The following PPP2R3A variants were observed in gnomAD, a reference collection of about 807,000 sequenced individuals.
PPP2R3A encodes the protein serine/threonine-protein phosphatase 2A regulatory subunit B'' subunit alpha.
In PPP2R3A, 80 loss-of-function variants were observed where a neutral mutation model predicts 106.9. That is an observed-to-expected ratio of 0.75 (90% CI 0.62 to 0.90). The LOEUF is 0.90. PPP2R3A is among the 40% of genes least tolerant of loss of function. The probability of loss-of-function intolerance (pLI) is 0.00; values close to 1 mark genes in which losing one functional copy is unlikely to be tolerated. For missense variants in PPP2R3A, 1,386 were observed against 1,350.4 expected, an observed-to-expected ratio of 1.03 and a Z score of -0.41; for synonymous variants, 483 against 468.3, an observed-to-expected ratio of 1.03 and a Z score of -0.41.
chr3:136,115,680 CAAG>C (rs1937721224), intron 13 of PPP2R3A, among the ~76,000 whole-genome samples: 1 of 150,366 alleles, frequency 6.7e-6, no homozygotes, highest in Non-Finnish European at 1.5e-5. Flanking sequence ...TGAAATAAAA[CAAG>C]AAGATTAGAG....
chr3:136,019,153 G>T (rs1934377084), intron 2 of PPP2R3A, among the ~76,000 whole-genome samples: 1 of 152,216 alleles, frequency 6.6e-6, no homozygotes, highest in Non-Finnish European at 1.5e-5. Context: ...AGAGATGCAG[G>T]CAGCTGTGCA....
intron 4 of PPP2R3A, among the ~76,000 whole-genome samples, chr3:136,042,522 T>G (rs1157594072): frequency 6.6e-6 from 1 of 152,044 alleles, no homozygotes; most frequent in Non-Finnish European, 1.5e-5. Flanking sequence ...TTAAAAAGAG[T>G]GTATGTTGGT....
At chr3:136,107,170 G>GTAAC (rs1937532409) in intron 13 of PPP2R3A, among the ~76,000 whole-genome samples, 2 of 151,952 alleles carry the variant, frequency 1.3e-5, no homozygotes, top group African/African-American at 4.8e-5. Context: ...TCATCTTCTA[G>GTAAC]TAACTCCTTT....
At chr3:135,984,294 T>C (rs1197243720) in intron 1 of PPP2R3A, among the ~76,000 whole-genome samples, 1 of 152,216 alleles carries the variant, frequency 6.6e-6, no homozygotes, top group Non-Finnish European at 1.5e-5. Context: ...TACAGAAACC[T>C]GGACTCAAAT....
At chr3:135,986,128 G>A (rs923053028) in intron 1 of PPP2R3A, among the ~76,000 whole-genome samples, 1 of 152,070 alleles carries the variant, frequency 6.6e-6, no homozygotes, top group African/African-American at 2.4e-5. Flanking sequence ...AGGGATACAG[G>A]GAAAGCAGCG....
chr3:136,034,472 T>G lies in PPP2R3A; in HGVS notation c.2263-6387T>G, dbSNP rs544187110. Among the ~76,000 whole-genome samples the G allele has an allele frequency of 1.3e-4, 20 of 152,364 alleles. No individual in the cohort carries two copies. In the South Asian group the frequency reaches 3.3e-3, roughly 25 times the overall value. On this transcript the variant is annotated intron_variant, in intron 3 of 13. Coordinates refer to ENST00000264977, the MANE Select transcript of PPP2R3A (RefSeq NM_002718.5). ...TGTTTTAATTTCCATCTTGATTTCA[T>G]TTTTGACCCAGTGATCATTCAGGAG...
chr3:135,991,362 TAGAAAA>T lies in PPP2R3A; in HGVS notation c.-440-9696_-440-9691del, dbSNP rs1400658202. ...TTCTCCTCCAAAATAAAAAAATACT[TAGAAAA>T]GGAAATTGTGTGAATTAAAGTAACT... is the stretch of plus-strand genomic sequence containing the variant. On this transcript the variant is annotated intron_variant, in intron 1 of 13. Coordinates refer to ENST00000264977, the MANE Select transcript of PPP2R3A (RefSeq NM_002718.5). Among the ~76,000 whole-genome samples, 19 of 148,436 alleles carry T rather than the reference TAGAAAA, an allele frequency of 1.3e-4. No individual in the cohort carries two copies. The South Asian group carries it at 3.7e-3, about 29-fold the overall frequency.
Position 136,003,106 on chromosome 3 carries a change from C to G in PPP2R3A, c.1608C>G (p.Asn536Lys). The stretch of plus-strand genomic sequence containing the variant: ...GAGAGCCACTTGCGAAGGGTAAAAA[C>G]TCTAATTTTTTAAATAGTCACAGTC... ...SLREPLAKGK[N>K]SNFLNSHSQL... The change falls in exon 2 of 14, where the codon AAC (asparagine) becomes AAG (lysine). Residue 536 changes from asparagine to lysine, a missense_variant. Coordinates refer to ENST00000264977, the MANE Select transcript of PPP2R3A (RefSeq NM_002718.5). The G allele has an allele frequency of 6.2e-7, 1 of 1,610,922 alleles. No individual in the cohort carries two copies. Among genetic ancestry groups the G allele is most frequent in the Non-Finnish European group, 8.5e-7 (1 of 1,179,236 alleles).
intron 13 of PPP2R3A, among the ~76,000 whole-genome samples, chr3:136,118,314 A>C (rs1259762677): frequency 6.6e-6 from 1 of 152,238 alleles, no homozygotes; most frequent in Non-Finnish European, 1.5e-5. Context: ...TTTGATAACC[A>C]GCACGAGACA....
chr3:135,981,922 T>A (rs1937544197), intron 1 of PPP2R3A, among the ~76,000 whole-genome samples: 1 of 151,602 alleles, frequency 6.6e-6, no homozygotes, highest in Non-Finnish European at 1.5e-5. Context: ...CAAAATGCAT[T>A]TAAACAGGAA....
chr3:136,112,055 T>C (rs570372344), intron 13 of PPP2R3A, among the ~76,000 whole-genome samples: 4 of 152,198 alleles, frequency 2.6e-5, no homozygotes, highest in Non-Finnish European at 5.9e-5. Context: ...CATGGTCATC[T>C]TAATGGACAC....
At chr3:136,035,425 A>G (rs1227423529) in intron 3 of PPP2R3A, among the ~76,000 whole-genome samples, 2 of 152,146 alleles carry the variant, frequency 1.3e-5, no homozygotes, top group Admixed American at 1.3e-4. Context: ...GTGGCTTGGT[A>G]GTGGCGAATT....
intron 2 of PPP2R3A, among the ~76,000 whole-genome samples, chr3:136,007,594 T>C (rs1213267526): frequency 1.3e-5 from 2 of 151,612 alleles, no homozygotes; most frequent in African/African-American, 2.4e-5. Flanking sequence ...TGTTTTACTT[T>C]ATTGTGGGGG....
chr3:136,120,795 G>A (rs961093093), intron 13 of PPP2R3A, among the ~76,000 whole-genome samples: 8 of 152,052 alleles, frequency 5.3e-5, no homozygotes, highest in African/African-American at 1.9e-4. Flanking sequence ...TCAAAAGTGA[G>A]ACATACAAGC....
In PPP2R3A at chr3:136,145,289, C is replaced by T; in HGVS notation, c.*123C>T. ...TTTCTCCAAGTGTGTATCATCTGCA[C>T]TAGGAACTTTGTTTTTAAGCAATAG... is the stretch of plus-strand genomic sequence containing the variant. On this transcript the variant is annotated 3_prime_UTR_variant, in exon 14 of 14. Transcript: ENST00000264977. 3.1e-6 allele frequency: 4 copies of T among 1,272,896 alleles called. No homozygotes were observed. Among genetic ancestry groups the T allele is most frequent in the East Asian group, 5.6e-5 (2 of 35,538 alleles). The allele number at this position is 1,272,896 out of a possible 1,614,324, so 78.9% of individuals were successfully genotyped here.
chr3:136,011,485 G>T (rs1184790721), intron 2 of PPP2R3A, among the ~76,000 whole-genome samples: 1 of 151,818 alleles, frequency 6.6e-6, no homozygotes, highest in East Asian at 1.9e-4. Flanking sequence ...TTATCCTTTT[G>T]TAAGAAGAAA....
At chr3:136,100,810 AGAGT>A (rs1286458642) in intron 10 of PPP2R3A, among the ~76,000 whole-genome samples, 1 of 152,186 alleles carries the variant, frequency 6.6e-6, no homozygotes, top group African/African-American at 2.4e-5. Context: ...CCTGGGCAGC[AGAGT>A]GAGACCCCAT....
At position 136,118,061 on chromosome 3, in the gene PPP2R3A, G is replaced by C. The variant is rs368469339; in HGVS notation, c.3329+11739G>C. 3.7e-4 allele frequency among the ~76,000 whole-genome samples: 57 copies of C among 152,292 alleles called. No individual in the cohort carries two copies. In the East Asian group the frequency reaches 0.01, roughly 28 times the overall value. ...GTGGGCCTCATCCCTGGGATGCAAG[G>C]CTGGTTCAACATATGCAAAACAGTA... On this transcript the variant is annotated intron_variant, in intron 13 of 13. Coordinates refer to ENST00000264977, the MANE Select transcript of PPP2R3A (RefSeq NM_002718.5).
chr3:136,144,130 T>G (rs1010349856), intron 13 of PPP2R3A, among the ~76,000 whole-genome samples: 11 of 152,280 alleles, frequency 7.2e-5, no homozygotes, highest in African/African-American at 2.6e-4. Context: ...AAGCCAACCT[T>G]AGGGGTAGCC....
Sources: allele counts gnomAD v4.1 joint callset (sites outside exome capture counted in the v4.1 genomes callset), GRCh38; gene constraint gnomAD v4.1.1; transcripts MANE v1.5; gene names NCBI Gene and HGNC (gene_info 2026-07-23, HGNC 2026-07-21).